The following ABCA3 variants were observed in gnomAD, a reference collection of about 807,000 sequenced individuals.
ABCA3 encodes phospholipid-transporting ATPase ABCA3.
A neutral mutation model predicts 172.8 loss-of-function variants in ABCA3; 88 were observed. That is an observed-to-expected ratio of 0.51 (90% CI 0.43 to 0.61). The LOEUF (loss-of-function observed/expected upper bound fraction) is 0.61. Among genes scored for constraint, ABCA3 ranks in the 20% least tolerant of loss-of-function variants. ABCA3 has a pLI of 0.00. For missense variants in ABCA3, 2,164 were observed against 2,301.0 expected (o/e 0.94, Z 1.22); for synonymous variants, 1,066 against 983.8 (o/e 1.08, Z -1.56).
chr16:2,298,390 G>A lies in ABCA3; in HGVS notation c.1892C>T (p.Ala631Val), dbSNP rs776509269. The A allele has an allele frequency of 5.6e-6, 9 of 1,614,034 alleles. No homozygotes were observed. Among genetic ancestry groups the A allele is most frequent in the Non-Finnish European group, 7.6e-6 (9 of 1,180,008 alleles). The change falls in exon 15 of 33, where the codon GCC becomes GTC. Residue 631 changes from alanine to valine, a missense_variant. Physicochemically the swap from Ala to Val is moderately conservative, Grantham distance 64. Coordinates refer to ENST00000301732, the MANE Select transcript of ABCA3 (RefSeq NM_001089.3). ...LTVAEHLYFY[A>V]QLKGLSRQKC... ...CACCCCTGGCCCCCAACTCACCTGGGCGTAGAAATAAAGGTGCTCTGCGAC... is the reference window on the plus strand; with the variant it reads ...CACCCCTGGCCCCCAACTCACCTGGACGTAGAAATAAAGGTGCTCTGCGAC...
intron 32 of ABCA3, among the ~76,000 whole-genome samples, 168 bp from the exon 33 acceptor site, chr16:2,276,973 C>T (rs2093647444): frequency 1.3e-5 from 2 of 152,200 alleles, no homozygotes; most frequent in African/African-American, 4.8e-5. Context: ...CACCGTGCTC[C>T]CAGGTAGAGG....
At chr16:2,299,125 AG>A (rs2093684824) in intron 14 of ABCA3, among the ~76,000 whole-genome samples, 1 of 136,788 alleles carries the variant, frequency 7.3e-6, no homozygotes, top group Admixed American at 7.2e-5. Context: ...AGAGGCGGTG[AG>A]GAGGGCAGGG....
chr16:2,276,692 G>T lies in ABCA3; in HGVS notation c.5097C>A (p.Thr1699=). The change falls in exon 33 of 33, where the codon ACC becomes ACA. Residue 1699 remains threonine, a synonymous_variant. Coordinates refer to ENST00000301732, the MANE Select transcript of ABCA3 (RefSeq NM_001089.3). ...FLSFAHLQPP[T]AEEGR ...CCACCCCTCATCGCCCCTCCTCTGCGGTGGGCGGCTGCAGGTGGGCGAAGC... is the reference window on the plus strand; with the variant it reads ...CCACCCCTCATCGCCCCTCCTCTGCTGTGGGCGGCTGCAGGTGGGCGAAGC... The T allele has an allele frequency of 6.2e-7, 1 of 1,613,536 alleles. No individual in the cohort carries two copies. Among genetic ancestry groups the T allele is most frequent in the Non-Finnish European group, 8.5e-7 (1 of 1,180,044 alleles).
rs561971405 is a variant in ABCA3, at chr16:2,283,548, C to T, written c.3863-190G>A. On this transcript the variant is annotated intron_variant, in intron 25 of 32. Transcript: ENST00000301732. This position sits in a 1 kb window ranked among gnomAD's most constrained non-coding sequence, Gnocchi z 5.4. ...CCACAGCTCAGAGAGGGGCCAGGCA[C>T]GTAACAATCCAATGCAGTCCCATGA... 23 of 635,124 alleles carry T rather than the reference C, an allele frequency of 3.6e-5. No homozygotes were observed. Among genetic ancestry groups the T allele is most frequent in the African/African-American group, 2.0e-4 (11 of 54,502 alleles). The allele number at this position is 635,124 out of a possible 1,614,324, so 39.3% of individuals were successfully genotyped here.
chr16:2,308,339 A>C, intron 11 of ABCA3, 111 bp downstream of exon 11: 1 of 1,369,918 alleles, frequency 7.3e-7, no homozygotes, highest in East Asian at 2.4e-5. Flanking sequence ...AGTGGTCCCA[A>C]CTGCCTGCCA....
At position 2,300,655 on chromosome 16, in the gene ABCA3, A is replaced by T. The variant is rs1258173568; in HGVS notation, c.1468-507T>A. Among the ~76,000 whole-genome samples, 4 of 152,364 alleles carry T rather than the reference A, an allele frequency of 2.6e-5. 1 individual carries two copies. The South Asian group carries it at 8.3e-4, about 32-fold the overall frequency. On this transcript the variant is annotated intron_variant, in intron 12 of 32. Coordinates refer to ENST00000301732, the MANE Select transcript of ABCA3 (RefSeq NM_001089.3). ...TCTGTGGCCATCACAGAAATAACTC[A>T]GTGCATGGGGTAAGAACACAGGCAC...
chr16:2,311,976 T>C (rs994665742), intron 10 of ABCA3, among the ~76,000 whole-genome samples: 1 of 152,220 alleles, frequency 6.6e-6, no homozygotes, highest in African/African-American at 2.4e-5. Flanking sequence ...ATTTTTACTC[T>C]TGTATGATTT....
At chr16:2,338,982 C>CT (rs1349140217) in intron 1 of ABCA3, among the ~76,000 whole-genome samples, 1 of 152,000 alleles carries the variant, frequency 6.6e-6, no homozygotes, top group Non-Finnish European at 1.5e-5. Context: ...TCTCGAACTC[C>CT]TGAACTCAAG....
chr16:2,323,497 A>C, intron 7 of ABCA3, 26 bp downstream of exon 7: 1 of 1,613,814 alleles, frequency 6.2e-7, no homozygotes. Flanking sequence ...CGGGCTGGTA[A>C]CACGAACCCT....
chr16:2,276,960 C>T (rs755420657), intron 32 of ABCA3, among the ~76,000 whole-genome samples, 155 bp from the exon 33 acceptor site: 2 of 152,200 alleles, frequency 1.3e-5, no homozygotes, highest in Non-Finnish European at 2.9e-5. Context: ...AGCCCTGCGA[C>T]GGCACCGTGC....
intron 10 of ABCA3, among the ~76,000 whole-genome samples, chr16:2,316,473 C>A (rs1248350474): frequency 8.5e-6 from 1 of 117,394 alleles, no homozygotes; most frequent in Admixed American, 9.6e-5. Context: ...GGCAAAACCC[C>A]GTCTCTACTA....
chr16:2,287,012 C>T lies in ABCA3; in HGVS notation c.3005-45G>A. On this transcript the variant is annotated intron_variant, in intron 21 of 32. Coordinates refer to ENST00000301732, the MANE Select transcript of ABCA3 (RefSeq NM_001089.3). This position sits in a 1 kb window ranked among gnomAD's most constrained non-coding sequence, Gnocchi z 4.1. ...TCAGGGGACACAGGAAGAGGTGACA[C>T]CTGGGCACCCCCTGCCACCTGAGCA... 2 of 1,592,656 alleles carry T rather than the reference C, an allele frequency of 1.3e-6. No individual in the cohort carries two copies. The highest frequency in any genetic ancestry group is 1.7e-6 in the Non-Finnish European group (2 of 1,170,510).
chr16:2,310,225 G>A (rs1250783886), intron 10 of ABCA3, among the ~76,000 whole-genome samples: 1 of 151,238 alleles, frequency 6.6e-6, no homozygotes, highest in Non-Finnish European at 1.5e-5. Flanking sequence ...CCAACATGGT[G>A]AAACCCCGTC....
At position 2,297,888 on chromosome 16, in the gene ABCA3, C is replaced by T. The variant is rs750813473; in HGVS notation, c.1930G>A (p.Glu644Lys). 19 of 1,613,730 alleles carry T rather than the reference C, an allele frequency of 1.2e-5. No individual in the cohort carries two copies. The African/African-American group carries it at 1.9e-4, about 16-fold the overall frequency. Residue 644 changes from glutamate (E) to lysine (K), a missense_variant, in exon 16 of 33, where the codon GAA becomes AAA. By Grantham distance (56) the Glu-to-Lys change is moderately conservative. Transcript: ENST00000301732. This position sits in a 1 kb window ranked among gnomAD's most constrained non-coding sequence, Gnocchi z 5.6. ...ATGATGTGCAGCATCTGCTTGACTT[C>T]TTCAGGGCACTTCTGACGTGACAGG... ...KGLSRQKCPE[E>K]VKQMLHIIGL...
chr16:2,280,823 C>T (rs561798870), intron 28 of ABCA3, among the ~76,000 whole-genome samples: 216 of 152,316 alleles, frequency 1.4e-3, no homozygotes, highest in Admixed American at 4.5e-3. Flanking sequence ...ACCCATCTCT[C>T]TCCCCTCCCA....
rs2093651042 is a variant in ABCA3, at chr16:2,279,001, T to C, written c.4489A>G (p.Asn1497Asp). 1.2e-6 allele frequency: 2 copies of C among 1,613,388 alleles called. No individual in the cohort carries two copies. The highest frequency in any genetic ancestry group is 1.7e-6 in the Non-Finnish European group (2 of 1,180,022). Residue 1497 changes from asparagine to aspartate, a missense_variant, in exon 29 of 33, where the codon AAC (asparagine) becomes GAC (aspartate). Asn to Asp is a conservative substitution (Grantham distance 23). This residue lies in a region of ABCA3 where 795 missense variants were observed against 881.9 expected (regional missense o/e 0.90). Transcript: ENST00000301732. This position sits in a 1 kb window ranked among gnomAD's most constrained non-coding sequence, Gnocchi z 4.4. ...TCCAGCAGCAGGCCCCGCAGAGTGT[T>C]CTCCACGCAGGCCCCGATGTGGCGC... ...PERHIGACVE[N>D]TLRGLLLEPH...
At position 2,297,343 on chromosome 16, in the gene ABCA3, AG is replaced by A; in HGVS notation, c.2248del (p.Leu750SerfsTer11). 6.2e-7 allele frequency: 1 copy of A among 1,611,612 alleles called. No individual in the cohort carries two copies. Among genetic ancestry groups the A allele is most frequent in the Non-Finnish European group, 8.5e-7 (1 of 1,179,962 alleles). ...CCACCGCTCACCGTATTTCTGCTTG[AG>A]GAACAGCGAGGACCCGCAGCACTGC... Reference protein sequence around the residue: ...ELQCCGSSLFLKQKYGAGYHM... With the variant: ...ELQCCGSSLFXKQKYGAGYHM... On this transcript the variant is annotated frameshift_variant, in exon 17 of 33. Coordinates refer to ENST00000301732, the MANE Select transcript of ABCA3 (RefSeq NM_001089.3). LOFTEE classifies it high-confidence loss of function. This position sits in a 1 kb window ranked among gnomAD's most constrained non-coding sequence, Gnocchi z 5.6.
In ABCA3 at chr16:2,295,844, A is replaced by T. The variant is rs115348225; in HGVS notation, c.2264-104T>A. On this transcript the variant is annotated intron_variant, in intron 17 of 32. Coordinates refer to ENST00000301732, the MANE Select transcript of ABCA3 (RefSeq NM_001089.3). The stretch of plus-strand genomic sequence containing the variant: ...CACACCAGGCAAGCTGGTGGGAAGG[A>T]GGCTAGAGAACCGGAGGTGGGCAGC... 1.2e-5 allele frequency: 18 copies of T among 1,518,980 alleles called. No individual in the cohort carries two copies. In the Admixed American group the frequency reaches 2.3e-4, roughly 19 times the overall value. The allele number at this position is 1,518,980 out of a possible 1,614,324, so 94.1% of individuals were successfully genotyped here.
At position 2,297,321 on chromosome 16, in the gene ABCA3, C is replaced by T; in HGVS notation, c.2263+8G>A. The T allele has an allele frequency of 6.2e-7, 1 of 1,609,618 alleles. No individual in the cohort carries two copies. Among genetic ancestry groups the T allele is most frequent in the Non-Finnish European group, 8.5e-7 (1 of 1,179,932 alleles). On this transcript the variant is annotated splice_region_variant and intron_variant, in intron 17 of 32. Coordinates refer to ENST00000301732, the MANE Select transcript of ABCA3 (RefSeq NM_001089.3). This position sits in a 1 kb window ranked among gnomAD's most constrained non-coding sequence, Gnocchi z 5.6. ...CCGACCCTGTCGCGGGCTGGCCCCA[C>T]CGCTCACCGTATTTCTGCTTGAGGA...
Sources: allele counts gnomAD v4.1 joint callset (sites outside exome capture counted in the v4.1 genomes callset), GRCh38; gene constraint gnomAD v4.1.1; regional missense constraint gnomAD v4.1.1; non-coding constraint Gnocchi (gnomAD v3.1); transcripts MANE v1.5; gene names NCBI Gene and HGNC (gene_info 2026-07-23, HGNC 2026-07-21).